DYRK1A: variants seen among roughly 807,000 people sequenced by gnomAD.
DYRK1A encodes the protein dual specificity tyrosine phosphorylation regulated kinase 1A.
A neutral mutation model predicts 79.7 loss-of-function variants in DYRK1A; 9 were observed. The ratio of observed to expected loss-of-function variants is 0.11; its 90% CI spans 0.07 to 0.20. The LOEUF (loss-of-function observed/expected upper bound fraction) is 0.20, where lower values mean the gene tolerates loss of function less well. DYRK1A is among the 10% of genes least tolerant of loss of function. DYRK1A has a pLI of 1.00. For synonymous variants in DYRK1A, 349 were observed against 329.7 expected (o/e 1.06, Z -0.63); for missense variants, 622 against 956.0 (o/e 0.65, Z 4.61).
At chr21:37,451,756 C>T (rs1297586305) in intron 2 of DYRK1A, among the ~76,000 whole-genome samples, 1 of 152,168 alleles carries the variant, frequency 6.6e-6, no homozygotes, top group East Asian at 1.9e-4. Context: ...CAGTGAATTT[C>T]TTAGAACATA....
intron 5 of DYRK1A, among the ~76,000 whole-genome samples, chr21:37,482,900 G>A (rs905923485): frequency 7.9e-5 from 12 of 152,114 alleles, no homozygotes; most frequent in Admixed American, 2.6e-4. Context: ...GCTCTGTTCC[G>A]CCCGGGTCAG....
chr21:37,369,122 T>TC (rs1339085474), intron 1 of DYRK1A, among the ~76,000 whole-genome samples: 1 of 152,238 alleles, frequency 6.6e-6, no homozygotes, highest in African/African-American at 2.4e-5. Flanking sequence ...TTTTAGTTAT[T>TC]CTTTGAATGC....
At chr21:37,493,201 A>G (rs372771731) in intron 8 of DYRK1A, 38 bp downstream of exon 8, 7 of 1,556,954 alleles carry the variant, frequency 4.5e-6, no homozygotes, top group Non-Finnish European at 6.1e-6. Flanking sequence ...TGTTTTCATA[A>G]TTTCTTTTTG....
intron 2 of DYRK1A, among the ~76,000 whole-genome samples, chr21:37,468,358 T>C (rs6517417): frequency 0.89 from 134,993 of 152,000 alleles, 60,233 homozygotes; most frequent in East Asian, 1. Flanking sequence ...ATTCCCGCCT[T>C]GGCCTCCCAA....
rs376802848 is a variant in DYRK1A at position 37,429,670 on chromosome 21, G to A, written c.10+9286G>A. On this transcript the variant is annotated intron_variant, in intron 2 of 11. Coordinates refer to ENST00000647188, the MANE Select transcript of DYRK1A (RefSeq NM_001347721.2). ...CCAACATTGAGAATTACAGCTTGAC[G>A]TGAGATTTGTGTGGGGACACATATC... Among the ~76,000 whole-genome samples, 38 of 152,320 alleles carry A rather than the reference G, an allele frequency of 2.5e-4. No individual in the cohort carries two copies. The East Asian group carries it at 4.0e-3, about 16-fold the overall frequency.
rs572193300 is a variant in DYRK1A at position 37,515,684 on chromosome 21, A to G, written c.*3153A>G. The G allele has an allele frequency of 2.2e-4, 33 of 152,352 alleles. No individual in the cohort carries two copies. Among genetic ancestry groups the G allele is most frequent in the African/African-American group, 7.9e-4 (33 of 41,590 alleles). The allele number at this position is 152,352 out of a possible 1,614,324, so 9.4% of individuals were successfully genotyped here. A position where few individuals can be genotyped will look rare whatever the true frequency, so the allele number is the denominator to read the frequency against. On this transcript the variant is annotated 3_prime_UTR_variant, in exon 12 of 12. Transcript: ENST00000647188. ...ATATTAAGGTGGCTTTCGAGAGGCA[A>G]GATGCTTATTTAAAAGTTAAGCGTG...
At chr21:37,411,012 G>A (rs1197680345) in intron 1 of DYRK1A, among the ~76,000 whole-genome samples, 1 of 134,948 alleles carries the variant, frequency 7.4e-6, no homozygotes, top group Non-Finnish European at 1.5e-5. Context: ...TTGTGCCACT[G>A]CACTCCAGCC....
At chr21:37,384,375 T>A (rs969386500) in intron 1 of DYRK1A, among the ~76,000 whole-genome samples, 4 of 152,136 alleles carry the variant, frequency 2.6e-5, no homozygotes, top group African/African-American at 7.2e-5. Flanking sequence ...TGAGAATTAT[T>A]TGAGTACCTT....
intron 1 of DYRK1A, among the ~76,000 whole-genome samples, chr21:37,380,935 A>G (rs1032006612): frequency 2.6e-5 from 4 of 152,082 alleles, no homozygotes; most frequent in South Asian, 2.1e-4. Flanking sequence ...CATCACTTCT[A>G]TCAGCTCTTC....
rs369120549 is a variant in DYRK1A at position 37,512,821 on chromosome 21, A to C, written c.*290A>C. The C allele has an allele frequency of 9.0e-5, 34 of 376,472 alleles. No homozygotes were observed. Among genetic ancestry groups the C allele is most frequent in the Middle Eastern group, 7.4e-4 (1 of 1,360 alleles). 23.3% of individuals were successfully genotyped at this position (376,472 alleles called of 1,614,324 possible). A position where few individuals can be genotyped will look rare whatever the true frequency, so the allele number is the denominator to read the frequency against. Reference sequence around the variant, plus strand: ...CACAGTGGGGTTTTTTTGTCTTTCTATTCAGCAAAAGTTAATATTCAGATG... The same window carrying C: ...CACAGTGGGGTTTTTTTGTCTTTCTCTTCAGCAAAAGTTAATATTCAGATG... On this transcript the variant is annotated 3_prime_UTR_variant, in exon 12 of 12. Transcript: ENST00000647188.
chr21:37,390,342 G>A (rs1373110967), intron 1 of DYRK1A, among the ~76,000 whole-genome samples: 1 of 152,112 alleles, frequency 6.6e-6, no homozygotes, highest in African/African-American at 2.4e-5. Context: ...CCATTTAAAC[G>A]TTGTTGGCAT....
At chr21:37,435,935 C>CGG (rs1396777094) in intron 2 of DYRK1A, among the ~76,000 whole-genome samples, 4 of 151,952 alleles carry the variant, frequency 2.6e-5, no homozygotes, top group Non-Finnish European at 4.4e-5. Flanking sequence ...TTGCTTGTAC[C>CGG]GTTATGTTGG....
At chr21:37,391,114 A>C (rs533006346) in intron 1 of DYRK1A, among the ~76,000 whole-genome samples, 1 of 152,358 alleles carries the variant, frequency 6.6e-6, no homozygotes, top group African/African-American at 2.4e-5. Flanking sequence ...ACCAAATTTC[A>C]GAACTCTTCC....
In DYRK1A at chr21:37,506,138, C is replaced by A. The variant is rs1381541764; in HGVS notation, c.1559C>A (p.Ser520Ter). The A allele has an allele frequency of 6.2e-7, 1 of 1,613,872 alleles. No homozygotes were observed. Among genetic ancestry groups the A allele is most frequent in the South Asian group, 1.1e-5 (1 of 91,060 alleles). ...ACAAGCAACAGTGGGAGAGCCCGGT[C>A]GGATCCGACGCACCAGCATCGGCAC... ...SGTSNSGRAR[S>*]DPTHQHRHSG... The change falls in exon 11 of 12, where the codon TCG (serine) becomes TAG (stop). Residue 520 changes from serine to a stop codon, truncating the protein, a stop_gained. Coordinates refer to ENST00000647188, the MANE Select transcript of DYRK1A (RefSeq NM_001347721.2). LOFTEE classifies it high-confidence loss of function.
rs767489712 is a variant in DYRK1A, at chr21:37,478,241, A to G, written c.241A>G (p.Thr81Ala). The G allele has an allele frequency of 1.2e-5, 20 of 1,614,146 alleles. No individual in the cohort carries two copies. Among genetic ancestry groups the G allele is most frequent in the East Asian group, 4.5e-5 (2 of 44,876 alleles). ...GCCCCAAACCTTCCGTGACCCAGCA[A>G]CTGCTCCCCTGAGAAAACTTTCTGT... Reference protein sequence around the residue: ...RMPQTFRDPATAPLRKLSVDL... With the variant: ...RMPQTFRDPAAAPLRKLSVDL... Residue 81 changes from threonine to alanine, a missense_variant, in exon 4 of 12, where the codon ACT becomes GCT. Transcript: ENST00000647188.
intron 1 of DYRK1A, among the ~76,000 whole-genome samples, chr21:37,380,211 C>T (rs1234258373): frequency 6.6e-6 from 1 of 152,050 alleles, no homozygotes; most frequent in Non-Finnish European, 1.5e-5. Flanking sequence ...AAAATTTATT[C>T]TGATTTGGTT....
intron 2 of DYRK1A, among the ~76,000 whole-genome samples, chr21:37,438,733 A>G (rs1212315628): frequency 6.6e-6 from 1 of 152,216 alleles, no homozygotes; most frequent in Non-Finnish European, 1.5e-5. Flanking sequence ...TGGCCTTAAT[A>G]ATAATTAATG....
chr21:37,389,126 C>T (rs2049821072), intron 1 of DYRK1A, among the ~76,000 whole-genome samples: 1 of 151,546 alleles, frequency 6.6e-6, no homozygotes, highest in African/African-American at 2.4e-5. Context: ...GATCCTTCTA[C>T]CTTAGCCTCC....
intron 1 of DYRK1A, among the ~76,000 whole-genome samples, chr21:37,412,398 G>A (rs2148415892): frequency 6.6e-6 from 1 of 152,314 alleles, no homozygotes; most frequent in South Asian, 2.1e-4. Flanking sequence ...AAGCACAGTA[G>A]TTCCCAAACT....
Sources: gnomAD v4.1 joint callset for allele counts (sites outside exome capture counted in the v4.1 genomes callset) on GRCh38, gnomAD v4.1.1 for gene constraint, MANE v1.5 for transcripts, NCBI Gene and HGNC (gene_info 2026-07-23, HGNC 2026-07-21) for gene names.